The following ANKRD28 variants were observed in gnomAD, a reference collection of about 807,000 sequenced individuals.
ANKRD28 encodes ankyrin repeat domain 28.
ANKRD28 carries 44 observed loss-of-function variants against 126.5 expected under a neutral mutation model. That is an observed-to-expected ratio of 0.35 (90% CI 0.27 to 0.45). The LOEUF is 0.45. Among genes scored for constraint, ANKRD28 ranks in the 20% least tolerant of loss-of-function variants. ANKRD28 has a pLI of 1.00. For synonymous variants in ANKRD28, 442 were observed against 468.5 expected, an observed-to-expected ratio of 0.94 and a Z score of 0.73; for missense variants, 1,110 against 1,316.6, an observed-to-expected ratio of 0.84 and a Z score of 2.43.
At chr3:15,688,542 A>G (rs1415076958) in intron 18 of ANKRD28, among the ~76,000 whole-genome samples, 1 of 152,238 alleles carries the variant, frequency 6.6e-6, no homozygotes, top group Non-Finnish European at 1.5e-5. Context: ...GTTCTAATGT[A>G]TTATTAAAAT....
At chr3:15,720,009 A>G (rs937521552) in intron 8 of ANKRD28, among the ~76,000 whole-genome samples, 3 of 152,068 alleles carry the variant, frequency 2.0e-5, no homozygotes, top group African/African-American at 7.2e-5. Context: ...AGCTGGGACT[A>G]CAAGCATGAG....
At chr3:15,768,457 G>A (rs543336622) in intron 2 of ANKRD28, among the ~76,000 whole-genome samples, 22 of 152,126 alleles carry the variant, frequency 1.4e-4, no homozygotes, top group African/African-American at 5.3e-4. Flanking sequence ...CATCAGCCTG[G>A]GCAATATAGT....
intron 6 of ANKRD28, chr3:15,732,163 T>C (rs912897474): frequency 6.6e-6 from 1 of 152,212 alleles, no homozygotes; most frequent in Non-Finnish European, 1.5e-5. Flanking sequence ...ACAGAGGGAC[T>C]CTGGATGTTG....
intron 26 of ANKRD28, chr3:15,676,280 C>T: frequency 3.6e-6 from 1 of 281,542 alleles, no homozygotes; most frequent in Non-Finnish European, 6.6e-6. Flanking sequence ...TGTTTAAAAA[C>T]ATTTTACCAT....
intron 12 of ANKRD28, 81 bp from the exon 13 acceptor site, chr3:15,709,817 G>A (rs2071977261): frequency 3.5e-6 from 3 of 850,144 alleles, no homozygotes; most frequent in Non-Finnish European, 5.4e-6. Context: ...AAGCATGAAA[G>A]CATGTTTTTA....
At chr3:15,822,950 T>C (rs962875724) in intron 1 of ANKRD28, among the ~76,000 whole-genome samples, 69 of 152,300 alleles carry the variant, frequency 4.5e-4, no homozygotes, top group African/African-American at 1.6e-3. Context: ...TTATGAAAGA[T>C]TACTATTTTA....
chr3:15,721,222 C>T (rs1259447849), intron 7 of ANKRD28, 95 bp from the exon 8 acceptor site: 6 of 1,011,342 alleles, frequency 5.9e-6, no homozygotes, highest in Non-Finnish European at 8.9e-6. Context: ...AATCAAATTA[C>T]TAAAGTGAGA....
Position 15,679,848 on chromosome 3 carries a change from GA to G in ANKRD28, c.2390-286del, listed in dbSNP as rs140178270. 5.0e-3 allele frequency among the ~76,000 whole-genome samples: 728 copies of G among 144,244 alleles called. 1 individual carries two copies. The highest frequency in any genetic ancestry group is 9.0e-3 in the South Asian group (41 of 4,560). The allele number at this position is 144,244 out of a possible 152,430, so 94.6% of individuals were successfully genotyped here. ...AACCCCAAATTAAAAATATTTGGGG[GA>G]AAAAAAAAACAGAGCAGACTTTTTT... On this transcript the variant is annotated intron_variant, in intron 21 of 27. Coordinates refer to ENST00000683139, the MANE Select transcript of ANKRD28 (RefSeq NM_001349278.2).
intron 12 of ANKRD28, among the ~76,000 whole-genome samples, chr3:15,710,706 C>G (rs531870254): frequency 1.3e-5 from 2 of 152,194 alleles, no homozygotes; most frequent in African/African-American, 4.8e-5. Context: ...GTTTGTTGCT[C>G]GTATGAACCA....
intron 1 of ANKRD28, among the ~76,000 whole-genome samples, chr3:15,828,724 T>C (rs958053853): frequency 1.3e-5 from 2 of 152,138 alleles, no homozygotes; most frequent in Non-Finnish European, 2.9e-5. Flanking sequence ...CCCGATTTCC[T>C]CTGTATCCTC....
chr3:15,767,908 C>CAACAAA (rs151224654), intron 2 of ANKRD28, among the ~76,000 whole-genome samples: 1 of 150,886 alleles, frequency 6.6e-6, no homozygotes, highest in Non-Finnish European at 1.5e-5. Context: ...CAAAACAAAA[C>CAACAAA]AACAAAAACA....
At chr3:15,696,058 C>CA in intron 15 of ANKRD28, 76 bp downstream of exon 15, 1 of 980,356 alleles carries the variant, frequency 1.0e-6, no homozygotes, top group South Asian at 1.6e-5. Flanking sequence ...TTCCTTGATC[C>CA]ATTTATTCTC....
chr3:15,827,978 C>T (rs2061104923), intron 1 of ANKRD28, among the ~76,000 whole-genome samples: 1 of 152,198 alleles, frequency 6.6e-6, no homozygotes, highest in Admixed American at 6.5e-5. Flanking sequence ...AGATGTTCAA[C>T]ATCACAAATC....
chr3:15,815,326 T>C lies in ANKRD28; in HGVS notation c.28-20020A>G, dbSNP rs184689272. On this transcript the variant is annotated intron_variant, in intron 1 of 27. Transcript: ENST00000399451. The surrounding 1 kb of genome is among the most constrained non-coding windows in gnomAD (Gnocchi z 4.1). ...CCACATTTCTTTTGTTTTTCTTTTA[T>C]GACAAAATTTTGCCCTGTCACCCAG... Among the ~76,000 whole-genome samples the C allele has an allele frequency of 2.0e-5, 3 of 152,306 alleles. No homozygotes were observed. The highest frequency in any genetic ancestry group is 2.1e-4 in the South Asian group (1 of 4,828).
intron 24 of ANKRD28, among the ~76,000 whole-genome samples, 190 bp downstream of exon 24, chr3:15,678,019 A>G (rs1225618653): frequency 6.6e-6 from 1 of 152,228 alleles, no homozygotes; most frequent in African/African-American, 2.4e-5. Context: ...ATGGTAAAGT[A>G]GACTCCTCAA....
At chr3:15,679,630 G>GT (rs1165508473) in intron 21 of ANKRD28, 67 bp from the exon 22 acceptor site, 12 of 1,264,522 alleles carry the variant, frequency 9.5e-6, no homozygotes, top group South Asian at 2.6e-5. Flanking sequence ...ACAGGTACAT[G>GT]TAAGTGTTTA....
rs1317651742 is a variant in ANKRD28, at chr3:15,812,082, G to A, written c.28-16776C>T. ...GTCGGAGAATCGCTTGAACCCAGGA[G>A]GCTGAGGTTGCAGTGAGCTGAGATT... On this transcript the variant is annotated intron_variant, in intron 1 of 27. Coordinates refer to the ANKRD28 transcript ENST00000399451. The surrounding 1 kb of genome is among the most constrained non-coding windows in gnomAD (Gnocchi z 4.1). 6.6e-6 allele frequency among the ~76,000 whole-genome samples: 1 copy of A among 152,096 alleles called. No homozygotes were observed. Among genetic ancestry groups the A allele is most frequent in the South Asian group, 2.1e-4 (1 of 4,814 alleles).
intron 11 of ANKRD28, 64 bp from the exon 12 acceptor site, chr3:15,711,338 T>G (rs1342924523): frequency 7.3e-7 from 1 of 1,373,020 alleles, no homozygotes; most frequent in East Asian, 2.3e-5. Flanking sequence ...AATTGTGTCA[T>G]GAAACATCAA....
intron 3 of ANKRD28, among the ~76,000 whole-genome samples, chr3:15,752,205 T>G (rs1311913800): frequency 6.6e-6 from 1 of 152,142 alleles, no homozygotes; most frequent in African/African-American, 2.4e-5. Context: ...TTTAAAGTCT[T>G]CATTACATTT....
Sources: allele counts gnomAD v4.1 joint callset (sites outside exome capture counted in the v4.1 genomes callset), GRCh38; gene constraint gnomAD v4.1.1; non-coding constraint Gnocchi (gnomAD v3.1); transcripts MANE v1.5; gene names NCBI Gene and HGNC (gene_info 2026-07-23, HGNC 2026-07-21).